Variants in ADAM2 observed in about 807,000 individuals in gnomAD.
ADAM2 encodes the protein ADAM metallopeptidase domain 2, also known as disintegrin and metalloproteinase domain-containing protein 2.
In ADAM2, 101 loss-of-function variants were observed where a neutral mutation model predicts 99.3. The observed-to-expected ratio is 1.02, with a 90% CI of 0.87 to 1.20. ADAM2 has a LOEUF of 1.20. Ranked by LOEUF, ADAM2 falls within the 50% of genes most tolerant of loss-of-function variation. The probability of loss-of-function intolerance (pLI) is 0.00; values close to 1 mark genes in which losing one functional copy is unlikely to be tolerated. For synonymous variants in ADAM2, 323 were observed against 287.6 expected (o/e 1.12, Z -1.25); for missense variants, 948 against 878.7 (o/e 1.08, Z -1.00).
intron 7 of ADAM2, among the ~76,000 whole-genome samples, 154 bp from the exon 8 acceptor site, chr8:39,788,894 AT>A (rs1803586459): frequency 1.3e-5 from 2 of 151,648 alleles, no homozygotes; most frequent in Non-Finnish European, 3.0e-5. Context: ...TACAAATTAT[AT>A]GTTATATGTT....
intron 16 of ADAM2, among the ~76,000 whole-genome samples, chr8:39,752,356 G>A (rs995420513): frequency 7.9e-5 from 12 of 152,108 alleles, no homozygotes; most frequent in Non-Finnish European, 1.3e-4. Flanking sequence ...AACAGTCAAA[G>A]GTCTACAGCA....
intron 7 of ADAM2, among the ~76,000 whole-genome samples, chr8:39,803,318 A>G (rs1301179172): frequency 6.6e-6 from 1 of 152,196 alleles, no homozygotes. Context: ...TAAGTTGTTT[A>G]TTTGTAAGAT....
chr8:39,761,415 AAAAACTAGATTTAAGATCACAC>A, intron 14 of ADAM2, 134 bp from the exon 15 acceptor site: 1 of 482,886 alleles, frequency 2.1e-6, no homozygotes, highest in Non-Finnish European at 3.5e-6. Flanking sequence ...CATTCAAAAT[AAAAACTAGATTTAAGATCACAC>A]AAAACTACTT....
At position 39,769,431 on chromosome 8, in the gene ADAM2, C is replaced by A; in HGVS notation, c.1173G>T (p.Lys391Asn). The change falls in exon 12 of 21, where the codon AAG (lysine) becomes AAT (asparagine). Residue 391 changes from lysine (K) to asparagine (N), a missense_variant. By Grantham distance (94) the Lys-to-Asn change is moderately conservative. Coordinates refer to ENST00000265708, the MANE Select transcript of ADAM2 (RefSeq NM_001464.5). ...FKQQAVCGNA[K>N]LEAGEECDCG... is the part of the protein sequence containing the mutation. Reference sequence around the variant, plus strand: ...AGTCACACTCCTCTCCTGCTTCCAGCTTTGCATTACCACACACTGCTTGCT... The same window carrying A: ...AGTCACACTCCTCTCCTGCTTCCAGATTTGCATTACCACACACTGCTTGCT... The A allele has an allele frequency of 6.2e-7, 1 of 1,614,030 alleles. No homozygotes were observed. The highest frequency in any genetic ancestry group is 8.5e-7 in the Non-Finnish European group (1 of 1,179,930).
At chr8:39,767,896 T>TCACACACACA (rs57655234) in intron 12 of ADAM2, among the ~76,000 whole-genome samples, 1,947 of 147,864 alleles carry the variant, frequency 0.013, 25 homozygotes, top group African/African-American at 0.028. Flanking sequence ...GACAATGCAT[T>TCACACACACA]CACACACACA....
chr8:39,772,057 C>A (rs1359881409), intron 11 of ADAM2, among the ~76,000 whole-genome samples: 2 of 148,058 alleles, frequency 1.4e-5, no homozygotes, highest in Non-Finnish European at 3.0e-5. Flanking sequence ...TGCACATGTA[C>A]CCTAGAACTT....
intron 4 of ADAM2, among the ~76,000 whole-genome samples, chr8:39,823,666 C>T: frequency 6.6e-6 from 1 of 151,922 alleles, no homozygotes; most frequent in East Asian, 1.9e-4. Flanking sequence ...TGGATTCTCA[C>T]TCTATCTTCT....
In ADAM2 at chr8:39,787,034, A is replaced by G. The variant is rs200805394; in HGVS notation, c.831T>C (p.Tyr277=). Residue 277 remains tyrosine (Y), a synonymous_variant, in exon 10 of 21, where the codon TAT becomes TAC. Coordinates refer to ENST00000265708, the MANE Select transcript of ADAM2 (RefSeq NM_001464.5). ...TCTTCCCTTGAAAGGTTGCACCAACATAATTTGACTTTTCTCTGTAACTTA... is the reference window on the plus strand; with the variant it reads ...TCTTCCCTTGAAAGGTTGCACCAACGTAATTTGACTTTTCTCTGTAACTTA... ...FLLVYREKSN[Y]VGATFQGKMC... The G allele has an allele frequency of 8.8e-6, 14 of 1,591,682 alleles. No homozygotes were observed. The highest frequency in any genetic ancestry group is 1.2e-5 in the Non-Finnish European group (14 of 1,168,694).
chr8:39,747,566 A>C (rs2129582627), intron 18 of ADAM2, among the ~76,000 whole-genome samples: 1 of 152,294 alleles, frequency 6.6e-6, no homozygotes, highest in South Asian at 2.1e-4. Context: ...GGCCTTGCTT[A>C]ATTTTGATTT....
At chr8:39,831,215 T>C (rs1454666459) in intron 3 of ADAM2, among the ~76,000 whole-genome samples, 1 of 152,030 alleles carries the variant, frequency 6.6e-6, no homozygotes, top group African/African-American at 2.4e-5. Context: ...CAATACTGAC[T>C]GAGGCAGAAA....
At chr8:39,749,261 A>G (rs1236279160) in intron 18 of ADAM2, 51 bp downstream of exon 18, 1 of 1,477,778 alleles carries the variant, frequency 6.8e-7, no homozygotes, top group Non-Finnish European at 9.2e-7. Flanking sequence ...ATCCAATTTA[A>G]TAAATTCAAA....
intron 7 of ADAM2, among the ~76,000 whole-genome samples, chr8:39,791,502 G>A (rs1586107305): frequency 6.6e-6 from 1 of 151,998 alleles, no homozygotes; most frequent in African/African-American, 2.4e-5. Flanking sequence ...GAGGGTTGTG[G>A]CTATCCCTGT....
intron 19 of ADAM2, among the ~76,000 whole-genome samples, chr8:39,745,817 A>G (rs1358872558): frequency 4.6e-5 from 7 of 152,094 alleles, no homozygotes; most frequent in Non-Finnish European, 8.8e-5. Context: ...AGTATTATTA[A>G]GTTAAAATAC....
chr8:39,791,644 C>G (rs1586107555), intron 7 of ADAM2, among the ~76,000 whole-genome samples: 1 of 152,142 alleles, frequency 6.6e-6, no homozygotes, highest in Middle Eastern at 3.4e-3. Context: ...CTCTCTGATA[C>G]TTTTGGCTTT....
chr8:39,780,901 T>C (rs746679599), intron 10 of ADAM2, among the ~76,000 whole-genome samples: 4 of 152,164 alleles, frequency 2.6e-5, no homozygotes, highest in African/African-American at 7.2e-5. Context: ...GAAAATGCGA[T>C]CAAATAATCT....
intron 15 of ADAM2, among the ~76,000 whole-genome samples, chr8:39,760,194 T>G (rs1258590832): frequency 6.6e-6 from 1 of 152,160 alleles, no homozygotes; most frequent in African/African-American, 2.4e-5. Context: ...AAAATAATAG[T>G]AACAGATAAT....
At chr8:39,804,562 T>C (rs979518007) in intron 7 of ADAM2, among the ~76,000 whole-genome samples, 4 of 152,178 alleles carry the variant, frequency 2.6e-5, no homozygotes, top group African/African-American at 9.6e-5. Context: ...AAGTATAATA[T>C]ATGATGATGA....
intron 5 of ADAM2, 99 bp downstream of exon 5, chr8:39,821,487 A>T: frequency 1.1e-6 from 1 of 925,456 alleles, no homozygotes; most frequent in Non-Finnish European, 1.6e-6. Flanking sequence ...CACAATAGTC[A>T]TGCCACACTT....
intron 7 of ADAM2, among the ~76,000 whole-genome samples, chr8:39,808,328 A>G (rs1208793729): frequency 6.6e-6 from 1 of 152,168 alleles, no homozygotes; most frequent in Admixed American, 6.5e-5. Flanking sequence ...AGAAGTAATC[A>G]TATTAGAAAC....
Sources: gnomAD v4.1 joint callset for allele counts (sites outside exome capture counted in the v4.1 genomes callset) on GRCh38, gnomAD v4.1.1 for gene constraint, MANE v1.5 for transcripts, NCBI Gene and HGNC (gene_info 2026-07-23, HGNC 2026-07-21) for gene names.